Variants in PTBP3 observed in about 807,000 individuals in gnomAD.
PTBP3 encodes polypyrimidine tract-binding protein 3.
In PTBP3, 20 loss-of-function variants were observed where a neutral mutation model predicts 58.7. That is an observed-to-expected ratio of 0.34 (90% CI 0.24 to 0.50). The LOEUF (loss-of-function observed/expected upper bound fraction) is 0.50, where lower values mean the gene tolerates loss of function less well. Among genes scored for constraint, PTBP3 ranks in the 20% least tolerant of loss-of-function variants. The probability of loss-of-function intolerance (pLI) is 0.98; values close to 1 mark genes in which losing one functional copy is unlikely to be tolerated. For synonymous variants in PTBP3, 185 were observed against 219.8 expected, an observed-to-expected ratio of 0.84 and a Z score of 1.40; for missense variants, 509 against 637.2, an observed-to-expected ratio of 0.80 and a Z score of 2.17.
chr9:112,352,084 G>C, the PTBP3 span, among the ~76,000 whole-genome samples: 1 of 151,948 alleles, frequency 6.6e-6, no homozygotes, highest in African/African-American at 2.4e-5. Context: ...CTCCCAGCTA[G>C]TTTTTAAATA....
At chr9:112,264,714 A>G (rs574414719) in intron 4 of PTBP3, among the ~76,000 whole-genome samples, 3 of 152,356 alleles carry the variant, frequency 2.0e-5, no homozygotes, top group African/African-American at 7.2e-5. Flanking sequence ...TCAATGCATA[A>G]AAGTTGTACA....
chr9:112,249,906 A>G (rs1471794357), intron 7 of PTBP3, among the ~76,000 whole-genome samples: 1 of 152,022 alleles, frequency 6.6e-6, no homozygotes, highest in Non-Finnish European at 1.5e-5. Flanking sequence ...CAAATCAGAT[A>G]AGTAAGTTAG....
chr9:112,286,777 A>G (rs934043500), intron 2 of PTBP3, among the ~76,000 whole-genome samples: 4 of 152,232 alleles, frequency 2.6e-5, no homozygotes, highest in Non-Finnish European at 5.9e-5. Flanking sequence ...CCTCATGTTT[A>G]AAGTATTTCC....
chr9:112,311,395 G>A (rs1027996152), intron 1 of PTBP3, among the ~76,000 whole-genome samples: 5 of 152,036 alleles, frequency 3.3e-5, no homozygotes, highest in African/African-American at 1.2e-4. Context: ...AAATAACCTA[G>A]AGATGACTTA....
Position 112,223,869 on chromosome 9 carries a change from G to A in PTBP3, c.1557C>T (p.Phe519=), listed in dbSNP as rs756916576. 5 of 1,613,318 alleles carry A rather than the reference G, an allele frequency of 3.1e-6. No individual in the cohort carries two copies. The African/African-American group carries it at 5.3e-5, about 17-fold the overall frequency. Reference sequence around the variant, plus strand: ...AGAAAAGTCAGATTGTAGATTTTGAGAAGGAAACTCTGAGGTGGTGATTTT... The same window carrying A: ...AGAAAAGTCAGATTGTAGATTTTGAAAAGGAAACTCTGAGGTGGTGATTTT... ...LGENHHLRVS[F]SKSTI The change falls in exon 14 of 14, where the codon TTC becomes TTT. Residue 519 remains phenylalanine, a synonymous_variant. Transcript: ENST00000374257.
At chr9:112,346,720 T>C in the PTBP3 span, among the ~76,000 whole-genome samples, 2 of 152,138 alleles carry the variant, frequency 1.3e-5, no homozygotes, top group African/African-American at 2.4e-5. Flanking sequence ...CTTTAGCAAT[T>C]CTTTGCTTGT....
At chr9:112,303,856 T>G (rs1829053069) in intron 1 of PTBP3, among the ~76,000 whole-genome samples, 1 of 117,526 alleles carries the variant, frequency 8.5e-6, no homozygotes, top group African/African-American at 3.6e-5. Context: ...AGAGTGAGAC[T>G]CCGTCTCAAT....
intron 7 of PTBP3, among the ~76,000 whole-genome samples, chr9:112,249,931 T>C (rs1020591458): frequency 6.6e-6 from 1 of 151,806 alleles, no homozygotes; most frequent in Non-Finnish European, 1.5e-5. Context: ...TGGTAACAAA[T>C]ACAAAACACA....
At position 112,223,058 on chromosome 9, in the gene PTBP3, C is replaced by T; in HGVS notation, c.*793G>A. ...AATTTTCCAAGATCATATTACTTGA[C>T]AAATAAGTGTCATTTTGAAATTTAA... On this transcript the variant is annotated 3_prime_UTR_variant, in exon 14 of 14. Coordinates refer to ENST00000374257, the MANE Select transcript of PTBP3 (RefSeq NM_001163788.4). 1 of 853,562 alleles carries T rather than the reference C, an allele frequency of 1.2e-6. No individual in the cohort carries two copies. The highest frequency in any genetic ancestry group is 1.2e-4 in the East Asian group (1 of 8,162). The allele number at this position is 853,562 out of a possible 1,614,324, so 52.9% of individuals were successfully genotyped here.
At chr9:112,266,749 A>G (rs1836816274) in intron 4 of PTBP3, among the ~76,000 whole-genome samples, 1 of 152,230 alleles carries the variant, frequency 6.6e-6, no homozygotes, top group Admixed American at 6.5e-5. Context: ...TTAGATATAT[A>G]GACATCTGAA....
intron 2 of PTBP3, among the ~76,000 whole-genome samples, chr9:112,284,691 G>A (rs939637583): frequency 6.6e-5 from 10 of 151,982 alleles, no homozygotes; most frequent in African/African-American, 1.4e-4. Context: ...GCAAGAATCC[G>A]TCTCAAAAAA....
intron 1 of PTBP3, chr9:112,330,594 A>T: frequency 1.6e-6 from 1 of 642,388 alleles, no homozygotes; most frequent in Non-Finnish European, 2.6e-6. Context: ...TAAAAATAAG[A>T]ATGTGATGAG....
the PTBP3 span, among the ~76,000 whole-genome samples, chr9:112,369,454 G>C: frequency 3.3e-5 from 5 of 152,218 alleles, no homozygotes; most frequent in Non-Finnish European, 7.3e-5. Context: ...AGATTATTTT[G>C]CAGCTTTAAG....
intron 2 of PTBP3, chr9:112,281,416 C>A (rs1157049685): frequency 1.3e-5 from 2 of 152,230 alleles, no homozygotes; most frequent in Non-Finnish European, 2.9e-5. Context: ...ATGACTTCCA[C>A]CGCTGCAGCT....
intron 3 of PTBP3, among the ~76,000 whole-genome samples, chr9:112,270,748 C>T (rs569229880): frequency 6.6e-6 from 1 of 152,264 alleles, no homozygotes; most frequent in South Asian, 2.1e-4. Flanking sequence ...TATTACCCAC[C>T]ACTACCACCA....
At chr9:112,253,573 T>G (rs1354052942) in intron 5 of PTBP3, among the ~76,000 whole-genome samples, 1 of 152,188 alleles carries the variant, frequency 6.6e-6, no homozygotes, top group Non-Finnish European at 1.5e-5. Context: ...TTAGTTTTAC[T>G]CTGTTGATAT....
At chr9:112,285,693 G>C (rs147485149) in intron 2 of PTBP3, among the ~76,000 whole-genome samples, 263 of 152,280 alleles carry the variant, frequency 1.7e-3, no homozygotes, top group African/African-American at 5.9e-3. Context: ...TATAGACACA[G>C]AAATTTGAAT....
chr9:112,318,596 C>T (rs1829799820), intron 1 of PTBP3, among the ~76,000 whole-genome samples: 1 of 151,576 alleles, frequency 6.6e-6, no homozygotes, highest in African/African-American at 2.4e-5. Flanking sequence ...CCCATCGTGA[C>T]TAAAAATATA....
At chr9:112,306,586 G>GTATATATA (rs569038891) in intron 1 of PTBP3, among the ~76,000 whole-genome samples, 133 of 114,532 alleles carry the variant, frequency 1.2e-3, no homozygotes, top group South Asian at 9.1e-3. Flanking sequence ...ATTTAAATTT[G>GTATATATA]TATATATATA....
Sources: allele counts gnomAD v4.1 joint callset (sites outside exome capture counted in the v4.1 genomes callset), GRCh38; gene constraint gnomAD v4.1.1; transcripts MANE v1.5; gene names NCBI Gene and HGNC (gene_info 2026-07-23, HGNC 2026-07-21).